The following ARHGAP26 variants were observed in gnomAD, a reference collection of about 807,000 sequenced individuals.
ARHGAP26 encodes the protein rho GTPase-activating protein 26.
Under a neutral mutation model 104.8 loss-of-function variants are expected in ARHGAP26, and 38 were observed. The ratio of observed to expected loss-of-function variants is 0.36; its 90% confidence interval spans 0.28 to 0.48. ARHGAP26 has a LOEUF of 0.48. Ranked by LOEUF, ARHGAP26 falls within the 20% of genes least tolerant of loss-of-function variation. The pLI is 0.99. For synonymous variants in ARHGAP26, 341 were observed against 340.0 expected (o/e 1.00, Z -0.03); for missense variants, 704 against 947.9 (o/e 0.74, Z 3.38).
At chr5:142,898,231 CATATAT>C (rs767748231) in intron 6 of ARHGAP26, among the ~76,000 whole-genome samples, 1 of 151,658 alleles carries the variant, frequency 6.6e-6, no homozygotes, top group Non-Finnish European at 1.5e-5. Flanking sequence ...TACGTATGTG[CATATAT>C]ATATGTATAT....
chr5:142,894,989 A>G (rs1759260201), intron 6 of ARHGAP26, among the ~76,000 whole-genome samples: 1 of 152,204 alleles, frequency 6.6e-6, no homozygotes, highest in African/African-American at 2.4e-5. Flanking sequence ...AGGCCACACC[A>G]GCATGGTTGT....
intron 11 of ARHGAP26, among the ~76,000 whole-genome samples, chr5:143,004,017 C>CAAAAAAA (rs144058530): frequency 3.4e-5 from 4 of 118,132 alleles, no homozygotes; most frequent in Non-Finnish European, 5.0e-5. Context: ...AATTTATAGA[C>CAAAAAAA]AAAAAAAAAA....
At chr5:142,885,422 T>C (rs1308075734) in intron 5 of ARHGAP26, 23 bp downstream of exon 5, 2 of 1,569,278 alleles carry the variant, frequency 1.3e-6, no homozygotes, top group Non-Finnish European at 1.7e-6. Flanking sequence ...ATTAGTATCC[T>C]GAATAAAGTG....
chr5:143,105,024 C>G (rs1011233732), intron 17 of ARHGAP26, among the ~76,000 whole-genome samples: 1 of 152,054 alleles, frequency 6.6e-6, no homozygotes, highest in Admixed American at 6.6e-5. Context: ...AAACATGTAT[C>G]TTTTTTTCCC....
intron 18 of ARHGAP26, among the ~76,000 whole-genome samples, chr5:143,122,347 T>C (rs1796240632): frequency 6.6e-6 from 1 of 152,222 alleles, no homozygotes; most frequent in African/African-American, 2.4e-5. Context: ...TTCCCAGTGG[T>C]TGGAACACTG....
intron 22 of ARHGAP26, chr5:143,216,216 T>C (rs1311009247): frequency 2.1e-6 from 1 of 471,548 alleles, no homozygotes; most frequent in Non-Finnish European, 4.4e-6. Flanking sequence ...CACAGCCATC[T>C]TCACTGCCAC....
intron 17 of ARHGAP26, among the ~76,000 whole-genome samples, chr5:143,066,789 C>T (rs1787554611): frequency 6.6e-6 from 1 of 152,170 alleles, no homozygotes. Context: ...AGTTTGTGTG[C>T]ATTTGGCCCA....
intron 1 of ARHGAP26, among the ~76,000 whole-genome samples, chr5:142,787,847 C>G (rs1305316940): frequency 6.6e-6 from 1 of 152,138 alleles, no homozygotes; most frequent in Non-Finnish European, 1.5e-5. Flanking sequence ...ATGATCATCC[C>G]TATGTATCAT....
intron 14 of ARHGAP26, among the ~76,000 whole-genome samples, chr5:143,048,449 C>T (rs956156759): frequency 2.7e-5 from 4 of 150,798 alleles, no homozygotes; most frequent in Non-Finnish European, 4.4e-5. Context: ...TTAGTAGAGA[C>T]GGGGTTTCAT....
chr5:143,071,369 C>A (rs1488761546), intron 17 of ARHGAP26, among the ~76,000 whole-genome samples: 1 of 152,164 alleles, frequency 6.6e-6, no homozygotes, highest in Non-Finnish European at 1.5e-5. Flanking sequence ...AGAATACTTA[C>A]TGGGGAAAGG....
chr5:142,807,452 A>G (rs1240863834), intron 1 of ARHGAP26, among the ~76,000 whole-genome samples: 1 of 152,178 alleles, frequency 6.6e-6, no homozygotes. Flanking sequence ...GCTTCAGTTC[A>G]GCTGTGCTGC....
intron 17 of ARHGAP26, among the ~76,000 whole-genome samples, chr5:143,097,467 C>T (rs1210068946): frequency 2.0e-5 from 3 of 150,988 alleles, no homozygotes; most frequent in Non-Finnish European, 4.4e-5. Context: ...CTATAGAAGT[C>T]GTCATTTACC....
At chr5:142,986,302 C>G (rs1774717293) in intron 11 of ARHGAP26, among the ~76,000 whole-genome samples, 1 of 152,156 alleles carries the variant, frequency 6.6e-6, no homozygotes, top group African/African-American at 2.4e-5. Flanking sequence ...GCATAAATGT[C>G]TTCTTTTGAG....
intron 17 of ARHGAP26, among the ~76,000 whole-genome samples, chr5:143,106,674 T>C (rs914829555): frequency 6.6e-6 from 1 of 152,050 alleles, no homozygotes; most frequent in South Asian, 2.1e-4. Context: ...GGTTTCTCCA[T>C]GTTGGTCAGG....
intron 1 of ARHGAP26, among the ~76,000 whole-genome samples, chr5:142,775,341 T>G (rs1261352639): frequency 6.6e-6 from 1 of 152,158 alleles, no homozygotes; most frequent in East Asian, 1.9e-4. Flanking sequence ...ATTTAGCTAT[T>G]TCCTTATGAC....
intron 1 of ARHGAP26, among the ~76,000 whole-genome samples, chr5:142,845,258 C>T (rs1035441061): frequency 6.6e-6 from 1 of 152,026 alleles, no homozygotes; most frequent in Non-Finnish European, 1.5e-5. Context: ...TGTTCTGTAC[C>T]AGGAACTGTG....
At chr5:143,101,953 C>T (rs1478031709) in intron 17 of ARHGAP26, among the ~76,000 whole-genome samples, 1 of 150,724 alleles carries the variant, frequency 6.6e-6, no homozygotes, top group African/African-American at 2.4e-5. Context: ...TCCTTAGGGG[C>T]TGTGGTGGCG....
At position 143,103,532 on chromosome 5, in the gene ARHGAP26, TTG is replaced by T. The variant is rs1286874290; in HGVS notation, c.1539-17455_1539-17454del. On this transcript the variant is annotated intron_variant, in intron 17 of 22. Coordinates refer to ENST00000645722, the MANE Select transcript of ARHGAP26 (RefSeq NM_001135608.3). ...CAGCACTGTTCACAATAGCAAAGAC[TTG>T]GAACCAACCCAAATGCCCATGAATG... Among the ~76,000 whole-genome samples, 3 of 150,306 alleles carry T rather than the reference TTG, an allele frequency of 2.0e-5. No individual in the cohort carries two copies. The East Asian group carries it at 5.9e-4, about 29-fold the overall frequency.
chr5:143,027,173 G>T (rs146037782), intron 12 of ARHGAP26, among the ~76,000 whole-genome samples: 4 of 111,972 alleles, frequency 3.6e-5, no homozygotes, highest in Non-Finnish European at 6.5e-5. Context: ...ATGATTTTTT[G>T]TGTTTTTTTT....
Sources: gnomAD v4.1 joint callset for allele counts (sites outside exome capture counted in the v4.1 genomes callset) on GRCh38, gnomAD v4.1.1 for gene constraint, MANE v1.5 for transcripts, NCBI Gene and HGNC (gene_info 2026-07-23, HGNC 2026-07-21) for gene names.